The following IL1RAPL2 variants were observed in gnomAD, a reference collection of about 807,000 sequenced individuals.
IL1RAPL2 encodes the protein X-linked interleukin-1 receptor accessory protein-like 2.
Under a neutral mutation model 44.1 loss-of-function variants are expected in IL1RAPL2, and 3 were observed. The ratio of observed to expected loss-of-function variants is 0.07; its 90% CI spans 0.03 to 0.18. The LOEUF is 0.18. Among genes scored for constraint, IL1RAPL2 ranks in the 10% least tolerant of loss-of-function variants. The pLI is 1.00. For missense variants in IL1RAPL2, 391 were observed against 496.4 expected (o/e 0.79, Z 2.02); for synonymous variants, 181 against 178.8 (o/e 1.01, Z -0.10).
intron 2 of IL1RAPL2, among the ~76,000 whole-genome samples, chrX:104,726,762 C>A (rs1251858084): frequency 9.0e-6 from 1 of 110,829 alleles, no homozygotes; most frequent in African/African-American, 3.3e-5. Flanking sequence ...AGTTGCTTAT[C>A]AGCTTAAGGA....
chrX:104,999,668 C>A (rs998296351), intron 2 of IL1RAPL2, among the ~76,000 whole-genome samples: 7 of 111,546 alleles, frequency 6.3e-5, no homozygotes, highest in African/African-American at 2.3e-4. Flanking sequence ...GTGGGTGTTA[C>A]AACAGAAACC....
chrX:105,409,845 T>TAGATAGAC (rs757454072), intron 5 of IL1RAPL2, among the ~76,000 whole-genome samples: 991 of 85,872 alleles, frequency 0.012, 4 homozygotes, highest in African/African-American at 0.014. Flanking sequence ...GATAGATAGA[T>TAGATAGAC]AGACAGACAG....
intron 2 of IL1RAPL2, among the ~76,000 whole-genome samples, chrX:104,725,266 C>T (rs1931765690): frequency 8.9e-6 from 1 of 111,803 alleles, no homozygotes; most frequent in Admixed American, 9.5e-5. Flanking sequence ...GCCACATTTC[C>T]TTTATCCAGT....
rs776949510 is a variant in IL1RAPL2, at chrX:105,353,986, A to C, written c.697+86445A>C. 4.5e-5 allele frequency among the ~76,000 whole-genome samples: 5 copies of C among 110,962 alleles called. No individual in the cohort carries two copies. The South Asian group carries it at 1.9e-3, about 43-fold the overall frequency. On this transcript the variant is annotated intron_variant, in intron 5 of 10. Coordinates refer to ENST00000372582, the MANE Select transcript of IL1RAPL2 (RefSeq NM_017416.2). Reference sequence around the variant, plus strand: ...AACACTATGTTGAATAGGAGTGGTGAGAGAGGACATCCCTGTCTTGTGCCA... The same window carrying C: ...AACACTATGTTGAATAGGAGTGGTGCGAGAGGACATCCCTGTCTTGTGCCA...
chrX:105,028,366 C>T, intron 2 of IL1RAPL2, among the ~76,000 whole-genome samples: 1 of 111,611 alleles, frequency 9.0e-6, no homozygotes, highest in East Asian at 2.8e-4. Flanking sequence ...AAGATTAATG[C>T]TTGATGGGAT....
At chrX:105,334,390 G>A in intron 5 of IL1RAPL2, among the ~76,000 whole-genome samples, 1 of 67,132 alleles carries the variant, frequency 1.5e-5, no homozygotes, top group African/African-American at 3.6e-5. Flanking sequence ...TGGAGGCAGG[G>A]ATGGTTAATG....
At chrX:104,974,933 G>C (rs1423295703) in intron 2 of IL1RAPL2, among the ~76,000 whole-genome samples, 1 of 112,260 alleles carries the variant, frequency 8.9e-6, no homozygotes, top group Admixed American at 9.4e-5. Flanking sequence ...AGGGGCCTGC[G>C]AGTTGGGATT....
chrX:104,936,608 C>A (rs997617951), intron 2 of IL1RAPL2, among the ~76,000 whole-genome samples: 6 of 104,973 alleles, frequency 5.7e-5, no homozygotes, highest in African/African-American at 2.2e-4. Flanking sequence ...GAGAAAATTG[C>A]ATTTACCAGA....
intron 2 of IL1RAPL2, among the ~76,000 whole-genome samples, chrX:104,851,505 T>TA (rs1922224045): frequency 9.0e-6 from 1 of 110,927 alleles, no homozygotes; most frequent in South Asian, 3.8e-4. Flanking sequence ...TGGAATAAAG[T>TA]AAAAAAGGAC....
chrX:105,101,733 T>C (rs2032673795), intron 2 of IL1RAPL2, among the ~76,000 whole-genome samples: 2 of 111,865 alleles, frequency 1.8e-5, no homozygotes, highest in Non-Finnish European at 3.8e-5. Flanking sequence ...GGCAGGTATA[T>C]GTTGCCACTC....
chrX:105,704,764 A>G (rs779580382), intron 6 of IL1RAPL2, among the ~76,000 whole-genome samples: 21 of 110,797 alleles, frequency 1.9e-4, no homozygotes, highest in African/African-American at 6.2e-4. Context: ...TATTTTTCCT[A>G]ATGTTCTCCC....
At chrX:104,589,682 C>T (rs1456057368) in intron 1 of IL1RAPL2, among the ~76,000 whole-genome samples, 1 of 111,769 alleles carries the variant, frequency 8.9e-6, no homozygotes, top group African/African-American at 3.3e-5. Context: ...CTTTTTTTCA[C>T]TTTGTGACAT....
At chrX:105,096,615 G>C (rs912896727) in intron 2 of IL1RAPL2, among the ~76,000 whole-genome samples, 6 of 112,148 alleles carry the variant, frequency 5.4e-5, no homozygotes, top group Non-Finnish European at 1.1e-4. Flanking sequence ...CATATTGTAT[G>C]ATTTCTTTTA....
chrX:105,083,590 G>T (rs903868980), intron 2 of IL1RAPL2, among the ~76,000 whole-genome samples: 7 of 111,624 alleles, frequency 6.3e-5, no homozygotes, highest in African/African-American at 2.3e-4. Flanking sequence ...TACCCACAAA[G>T]GTAAGTCCAT....
chrX:104,575,659 G>C (rs781255091), intron 1 of IL1RAPL2, among the ~76,000 whole-genome samples: 1 of 111,884 alleles, frequency 8.9e-6, no homozygotes. Context: ...TCGGTACAGG[G>C]AATGGTCTTG....
chrX:105,687,394 A>G (rs899975661), intron 6 of IL1RAPL2, among the ~76,000 whole-genome samples: 2 of 111,354 alleles, frequency 1.8e-5, no homozygotes, highest in African/African-American at 6.5e-5. Flanking sequence ...GATAAAGGGG[A>G]TATCACCACC....
intron 5 of IL1RAPL2, among the ~76,000 whole-genome samples, chrX:105,346,147 C>G (rs1318040434): frequency 1.8e-5 from 2 of 111,794 alleles, no homozygotes; most frequent in Non-Finnish European, 3.8e-5. Flanking sequence ...GTAAAGCCTA[C>G]AAGGTGTTTG....
chrX:104,922,626 C>A (rs916338284), intron 2 of IL1RAPL2, among the ~76,000 whole-genome samples: 1 of 112,037 alleles, frequency 8.9e-6, no homozygotes, highest in African/African-American at 3.2e-5. Context: ...ACCCAACATA[C>A]ACAACAGTAA....
rs184139260 is a variant in IL1RAPL2 at position 104,836,986 on chromosome X, C to T, written c.82+177991C>T. On this transcript the variant is annotated intron_variant, in intron 2 of 10. Transcript: ENST00000372582. ...TCTGCCACTTATGAGTGAGAACATG[C>T]GGTGTTTGGTTTTCTGTTCCTGTGG... is the stretch of plus-strand genomic sequence containing the variant. Among the ~76,000 whole-genome samples the T allele has an allele frequency of 2.2e-3, 242 of 111,031 alleles. 1 individual carries two copies. Among genetic ancestry groups the T allele is most frequent in the Non-Finnish European group, 1.9e-3 (100 of 53,008 alleles).
Sources: allele counts gnomAD v4.1 joint callset (sites outside exome capture counted in the v4.1 genomes callset), GRCh38; gene constraint gnomAD v4.1.1; transcripts MANE v1.5; gene names NCBI Gene and HGNC (gene_info 2026-07-23, HGNC 2026-07-21).